The following FMNL2 variants were observed in gnomAD, a reference collection of about 807,000 sequenced individuals.
The protein encoded by FMNL2 is formin-like protein 2.
In FMNL2, 51 loss-of-function variants were observed where a neutral mutation model predicts 130.2. The ratio of observed to expected loss-of-function variants is 0.39; its 90% CI spans 0.31 to 0.49. The LOEUF (loss-of-function observed/expected upper bound fraction) is 0.49, where lower values mean the gene tolerates loss of function less well. Ranked by LOEUF, FMNL2 falls within the 20% of genes least tolerant of loss-of-function variation. FMNL2 has a pLI of 0.85. For missense variants in FMNL2, 977 were observed against 1,316.2 expected, an observed-to-expected ratio of 0.74 and a Z score of 3.99; for synonymous variants, 465 against 467.1, an observed-to-expected ratio of 1.00 and a Z score of 0.06.
chr2:152,632,424 A>G (rs1675554664), intron 21 of FMNL2, among the ~76,000 whole-genome samples: 2 of 152,166 alleles, frequency 1.3e-5, no homozygotes, highest in South Asian at 4.1e-4. Context: ...CTGCTATTGT[A>G]TGAAATGTGA....
intron 1 of FMNL2, among the ~76,000 whole-genome samples, chr2:152,492,201 C>T (rs1364098073): frequency 9.9e-5 from 15 of 151,792 alleles, no homozygotes; most frequent in African/African-American, 3.4e-4. Context: ...TTCATTCCGT[C>T]CCCCACCCTC....
chr2:152,547,332 C>T (rs923308288), intron 3 of FMNL2, among the ~76,000 whole-genome samples: 8 of 152,232 alleles, frequency 5.3e-5, no homozygotes, highest in Non-Finnish European at 7.3e-5. Flanking sequence ...GTCCTCCAAA[C>T]TCTCAAGTAT....
chr2:152,622,666 A>T (rs2105906540), intron 15 of FMNL2: 3 of 447,270 alleles, frequency 6.7e-6, no homozygotes, highest in Non-Finnish European at 1.4e-5. Flanking sequence ...TTGCATTTTG[A>T]CTTTGTGTCT....
intron 1 of FMNL2, among the ~76,000 whole-genome samples, chr2:152,453,589 G>C (rs566980440): frequency 6.6e-6 from 1 of 152,342 alleles, no homozygotes; most frequent in African/African-American, 2.4e-5. Flanking sequence ...AACAAAAGGA[G>C]TTCAGATTCA....
At chr2:152,389,363 T>G (rs1315390039) in intron 1 of FMNL2, among the ~76,000 whole-genome samples, 1 of 152,132 alleles carries the variant, frequency 6.6e-6, no homozygotes, top group Admixed American at 6.5e-5. Context: ...GGGACCTCTT[T>G]TTTAGGGGCA....
intron 1 of FMNL2, among the ~76,000 whole-genome samples, chr2:152,414,343 A>ATG (rs1201398442): frequency 6.6e-6 from 1 of 152,130 alleles, no homozygotes; most frequent in African/African-American, 2.4e-5. Flanking sequence ...GGGTGGAGTG[A>ATG]TGTTACCCTT....
At chr2:152,626,152 T>C (rs893540390) in intron 16 of FMNL2, among the ~76,000 whole-genome samples, 1 of 152,178 alleles carries the variant, frequency 6.6e-6, no homozygotes, top group Non-Finnish European at 1.5e-5. Context: ...ATTCTCTGGC[T>C]TAGCCTCCCA....
chr2:152,637,293 T>C (rs1204770044), intron 22 of FMNL2, among the ~76,000 whole-genome samples: 1 of 152,238 alleles, frequency 6.6e-6, no homozygotes, highest in Non-Finnish European at 1.5e-5. Flanking sequence ...GTGGGGTGTG[T>C]GCGTGTGCAT....
At chr2:152,623,419 C>T (rs1384266663) in intron 15 of FMNL2, among the ~76,000 whole-genome samples, 1 of 152,164 alleles carries the variant, frequency 6.6e-6, no homozygotes, top group Non-Finnish European at 1.5e-5. Context: ...GTAGTGGGGA[C>T]AAAGGTGTCA....
At chr2:152,425,555 T>G (rs912189529) in intron 1 of FMNL2, among the ~76,000 whole-genome samples, 1 of 152,254 alleles carries the variant, frequency 6.6e-6, no homozygotes, top group Admixed American at 6.5e-5. Context: ...TTGGTAGTCC[T>G]TCTAATACTT....
At chr2:152,594,355 A>G (rs1697640428) in intron 9 of FMNL2, among the ~76,000 whole-genome samples, 1 of 152,228 alleles carries the variant, frequency 6.6e-6, no homozygotes, top group South Asian at 2.1e-4. Flanking sequence ...TTCATTTTTC[A>G]AACAAGAACA....
intron 9 of FMNL2, among the ~76,000 whole-genome samples, chr2:152,588,996 C>G (rs929560755): frequency 5.3e-5 from 8 of 151,786 alleles, no homozygotes; most frequent in African/African-American, 1.9e-4. Flanking sequence ...TCATATTTCT[C>G]ATTCCTTGGG....
chr2:152,632,149 C>T lies in FMNL2; in HGVS notation c.2680+12C>T. The T allele has an allele frequency of 1.9e-6, 3 of 1,607,068 alleles. No individual in the cohort carries two copies. Among genetic ancestry groups the T allele is most frequent in the Non-Finnish European group, 2.5e-6 (3 of 1,177,078 alleles). ...AAAAGCTGCTGCAGGTACTTGATTTCAGCTATTACCGTTCGTCTTGGGTAT... is the reference window on the plus strand; with the variant it reads ...AAAAGCTGCTGCAGGTACTTGATTTTAGCTATTACCGTTCGTCTTGGGTAT... On this transcript the variant is annotated intron_variant, in intron 21 of 25. Coordinates refer to ENST00000288670, the MANE Select transcript of FMNL2 (RefSeq NM_052905.4).
intron 1 of FMNL2, among the ~76,000 whole-genome samples, chr2:152,425,990 C>T (rs927110292): frequency 1.3e-5 from 2 of 152,214 alleles, no homozygotes; most frequent in Non-Finnish European, 2.9e-5. Flanking sequence ...AATATCTCCT[C>T]TGTTAGCCTT....
In FMNL2 at chr2:152,589,975, A is replaced by ATGTATG. The variant is rs1478574397; in HGVS notation, c.876+8927_876+8928insGTATGT. 1.3e-3 allele frequency among the ~76,000 whole-genome samples: 54 copies of ATGTATG among 40,294 alleles called. 1 individual carries two copies. The highest frequency in any genetic ancestry group is 9.3e-3 in the East Asian group (9 of 964). The allele number at this position is 40,294 out of a possible 152,430, so 26.4% of individuals were successfully genotyped here. ...TATATATATATATATATATATATATATATATATATGTATATGTATATGTAT... is the reference window on the plus strand; with the variant it reads ...TATATATATATATATATATATATATATGTATGTATATATATGTATATGTATATGTAT... On this transcript the variant is annotated intron_variant, in intron 9 of 25. Transcript: ENST00000288670.
intron 1 of FMNL2, among the ~76,000 whole-genome samples, chr2:152,412,446 T>TATATATACAGATATATATAATATATA (rs1686344924): frequency 9.7e-6 from 1 of 103,254 alleles, no homozygotes; most frequent in Non-Finnish European, 1.8e-5. Context: ...TCTGTATATT[T>TATATATACAGATATATATAATATATA]TATATATATA....
chr2:152,627,296 A>T (rs1339377873), intron 17 of FMNL2, among the ~76,000 whole-genome samples: 2 of 152,180 alleles, frequency 1.3e-5, no homozygotes, highest in Non-Finnish European at 2.9e-5. Context: ...AACAAAGTTC[A>T]TTTTTTACTC....
intron 1 of FMNL2, among the ~76,000 whole-genome samples, chr2:152,509,736 C>CATTT (rs1692386090): frequency 4.5e-5 from 1 of 22,134 alleles, no homozygotes; most frequent in Non-Finnish European, 1.2e-4. Flanking sequence ...GTACTCTGGA[C>CATTT]CTTTTTTTTT....
At chr2:152,444,276 A>G (rs956470226) in intron 1 of FMNL2, among the ~76,000 whole-genome samples, 4 of 152,116 alleles carry the variant, frequency 2.6e-5, no homozygotes, top group African/African-American at 9.7e-5. Flanking sequence ...TGGAAGGGAG[A>G]GAAAAGCTGG....
Sources: allele counts gnomAD v4.1 joint callset (sites outside exome capture counted in the v4.1 genomes callset), GRCh38; gene constraint gnomAD v4.1.1; transcripts MANE v1.5; gene names NCBI Gene and HGNC (gene_info 2026-07-23, HGNC 2026-07-21).